Variants in DCAF6 observed in about 807,000 individuals in gnomAD.
DCAF6 encodes the protein DDB1 and CUL4 associated factor 6, also known as DDB1- and CUL4-associated factor 6.
In DCAF6, 54 loss-of-function variants were observed where a neutral mutation model predicts 125.1. The ratio of observed to expected loss-of-function variants is 0.43; its 90% CI spans 0.35 to 0.54. The LOEUF (loss-of-function observed/expected upper bound fraction) is 0.54. Ranked by LOEUF, DCAF6 falls within the 20% of genes least tolerant of loss-of-function variation. The pLI is 0.01. For missense variants in DCAF6, 934 were observed against 1,161.7 expected, an observed-to-expected ratio of 0.80 and a Z score of 2.85; for synonymous variants, 371 against 390.4, an observed-to-expected ratio of 0.95 and a Z score of 0.58.
chr1:167,880,661 T>C, the DCAF6 span: 1 of 1,385,444 alleles, frequency 7.2e-7, no homozygotes, highest in Non-Finnish European at 1.0e-6. Flanking sequence ...TGCTTTAAAC[T>C]GGACTGGCCA....
At chr1:168,034,473 C>G (rs1340398071) in intron 12 of DCAF6, among the ~76,000 whole-genome samples, 2 of 152,122 alleles carry the variant, frequency 1.3e-5, no homozygotes, top group African/African-American at 4.8e-5. Context: ...AAGGTGCCAC[C>G]ACGCTACCGT....
rs1684912566 is a variant in DCAF6, at chr1:168,015,940, C to G, written c.1538C>G (p.Pro513Arg). ...QSSHEGSSQD[P>R]HASDSPSSVV... is the part of the protein sequence containing the mutation. ...TCTCATGAGGGCTCTTCACAGGACC[C>G]TCATGCTTCAGGTTATTAATGTCAA... The change falls in exon 11 of 22, where the codon CCT (proline) becomes CGT (arginine). Residue 513 changes from proline to arginine, a missense_variant. Transcript: ENST00000367840. 1 of 1,497,378 alleles carries G rather than the reference C, an allele frequency of 6.7e-7. No homozygotes were observed. Among genetic ancestry groups the G allele is most frequent in the African/African-American group, 1.4e-5 (1 of 70,438 alleles). 92.8% of individuals were successfully genotyped at this position (1,497,378 alleles called of 1,614,324 possible). A position where few individuals can be genotyped will look rare whatever the true frequency, so the allele number is the denominator to read the frequency against.
chr1:167,880,580 G>A, the DCAF6 span: 5 of 1,614,052 alleles, frequency 3.1e-6, no homozygotes, highest in Non-Finnish European at 4.2e-6. Context: ...TTTCCCCAGG[G>A]AAGCCAAAGA....
At chr1:167,864,546 G>A in the DCAF6 span, among the ~76,000 whole-genome samples, 1 of 151,858 alleles carries the variant, frequency 6.6e-6, no homozygotes, top group Non-Finnish European at 1.5e-5. Context: ...GTTAAGAGAG[G>A]CAGAAAGAGA....
the DCAF6 span, chr1:167,904,501 T>TAA: frequency 4.3e-6 from 1 of 234,112 alleles, no homozygotes; most frequent in Non-Finnish European, 8.3e-6. Context: ...AGGCTCCAGA[T>TAA]ATTTCTTTCT....
chr1:167,927,358 G>C, the DCAF6 span, among the ~76,000 whole-genome samples: 1 of 152,198 alleles, frequency 6.6e-6, no homozygotes, highest in Non-Finnish European at 1.5e-5. Flanking sequence ...TTTAGGGTGA[G>C]ATTCTGGGAT....
At chr1:167,971,356 T>C (rs1677272833) in intron 3 of DCAF6, among the ~76,000 whole-genome samples, 1 of 152,218 alleles carries the variant, frequency 6.6e-6, no homozygotes, top group Admixed American at 6.5e-5. Flanking sequence ...TTCTTTTTTC[T>C]TTTTGCATCC....
intron 5 of DCAF6, among the ~76,000 whole-genome samples, chr1:167,990,649 AAG>A (rs1168583752): frequency 6.6e-6 from 1 of 152,296 alleles, no homozygotes; most frequent in Non-Finnish European, 1.5e-5. Context: ...CTAGTTTAGA[AAG>A]AGTTTTAATT....
At chr1:168,069,453 C>T (rs909521060) in intron 21 of DCAF6, among the ~76,000 whole-genome samples, 5 of 152,180 alleles carry the variant, frequency 3.3e-5, no homozygotes, top group Non-Finnish European at 7.4e-5. Flanking sequence ...TATAATCGTG[C>T]TGTCCCCTCC....
At chr1:167,958,221 C>T (rs940094141) in intron 2 of DCAF6, among the ~76,000 whole-genome samples, 1 of 151,916 alleles carries the variant, frequency 6.6e-6, no homozygotes, top group Admixed American at 6.6e-5. Context: ...AATCACTGGT[C>T]GTGAAGATTT....
intron 2 of DCAF6, among the ~76,000 whole-genome samples, chr1:167,954,614 G>T (rs572301418): frequency 6.6e-6 from 1 of 151,662 alleles, no homozygotes; most frequent in Non-Finnish European, 1.5e-5. Flanking sequence ...CACCAAGCGC[G>T]GCTAATTTTT....
intron 1 of DCAF6, among the ~76,000 whole-genome samples, chr1:167,949,476 G>A (rs909774625): frequency 4.6e-5 from 7 of 152,174 alleles, no homozygotes; most frequent in African/African-American, 1.4e-4. Flanking sequence ...GATAAAGGTC[G>A]GGCAGGTTTG....
the DCAF6 span, among the ~76,000 whole-genome samples, chr1:167,926,477 T>C: frequency 6.6e-6 from 1 of 152,180 alleles, no homozygotes; most frequent in South Asian, 2.1e-4. Flanking sequence ...AAGGGGAATA[T>C]AAAAGAAAAC....
the DCAF6 span, among the ~76,000 whole-genome samples, chr1:167,889,843 C>G: frequency 2.0e-5 from 3 of 152,160 alleles, no homozygotes; most frequent in Non-Finnish European, 4.4e-5. Flanking sequence ...TAGTAGCCAC[C>G]AATGATCCTT....
chr1:168,069,682 C>T (rs1692790036), intron 21 of DCAF6, among the ~76,000 whole-genome samples: 2 of 152,062 alleles, frequency 1.3e-5, no homozygotes, highest in South Asian at 4.2e-4. Flanking sequence ...AGAAAATAAT[C>T]CTCAAATGTA....
chr1:168,061,227 A>G (rs1691553506), intron 17 of DCAF6, among the ~76,000 whole-genome samples: 1 of 152,202 alleles, frequency 6.6e-6, no homozygotes, highest in Non-Finnish European at 1.5e-5. Context: ...TCTAACTTAA[A>G]AATGTATGTG....
chr1:167,938,657 T>C (rs1441112856), intron 1 of DCAF6, among the ~76,000 whole-genome samples: 1 of 152,246 alleles, frequency 6.6e-6, no homozygotes, highest in East Asian at 1.9e-4. Flanking sequence ...TTTAGCTTAA[T>C]AAAACAAACG....
At chr1:167,985,956 A>G (rs974141636) in intron 4 of DCAF6, among the ~76,000 whole-genome samples, 1 of 152,194 alleles carries the variant, frequency 6.6e-6, no homozygotes, top group Non-Finnish European at 1.5e-5. Flanking sequence ...ATTTTATAAA[A>G]ATGGGAATCA....
chr1:167,920,015 C>T, the DCAF6 span: 1 of 1,613,428 alleles, frequency 6.2e-7, no homozygotes, highest in African/African-American at 1.3e-5. Context: ...TCCTGCTGCC[C>T]CCACAAAGAA....
Sources: allele counts gnomAD v4.1 joint callset (sites outside exome capture counted in the v4.1 genomes callset), GRCh38; gene constraint gnomAD v4.1.1; transcripts MANE v1.5; gene names NCBI Gene and HGNC (gene_info 2026-07-23, HGNC 2026-07-21).